CABLES1: variants seen among roughly 807,000 people sequenced by gnomAD.
CABLES1 encodes the protein CDK5 and ABL1 enzyme substrate 1.
In CABLES1, 36 loss-of-function variants were observed where a neutral mutation model predicts 57.8. The observed-to-expected ratio is 0.62, with a 90% CI of 0.48 to 0.82. The LOEUF is 0.82. CABLES1 is among the 40% of genes least tolerant of loss of function. CABLES1 has a pLI of 0.00. For missense variants in CABLES1, 767 were observed against 836.6 expected (o/e 0.92, Z 1.03); for synonymous variants, 374 against 363.0 (o/e 1.03, Z -0.35).
At position 23,218,996 on chromosome 18, in the gene CABLES1, A is replaced by G. The variant is rs151273387; in HGVS notation, c.1088+4942A>G. On this transcript the variant is annotated intron_variant, in intron 4 of 9. Coordinates refer to ENST00000256925, the MANE Select transcript of CABLES1 (RefSeq NM_001100619.3). The stretch of plus-strand genomic sequence containing the variant: ...CAACACCCACAATTATAGTAAATGT[A>G]CAGTGTTAAGTAAAAGCAGGGTGTT... 9.4e-4 allele frequency: 336 copies of G among 357,486 alleles called. 1 individual carries two copies. Among genetic ancestry groups the G allele is most frequent in the African/African-American group, 6.7e-3 (315 of 46,956 alleles). The allele number at this position is 357,486 out of a possible 1,614,324, so 22.1% of individuals were successfully genotyped here.
At chr18:23,157,977 T>C (rs1426164747) in intron 1 of CABLES1, among the ~76,000 whole-genome samples, 2 of 152,144 alleles carry the variant, frequency 1.3e-5, no homozygotes, top group East Asian at 3.8e-4. Flanking sequence ...GTTTCCTTAA[T>C]TGTAAATAAA....
intron 1 of CABLES1, among the ~76,000 whole-genome samples, chr18:23,173,584 T>C (rs552516450): frequency 6.6e-6 from 1 of 152,374 alleles, no homozygotes; most frequent in Admixed American, 6.5e-5. Flanking sequence ...TCCCAACATA[T>C]GTTTTTCTAC....
At chr18:23,176,801 T>C (rs1233900730) in intron 1 of CABLES1, among the ~76,000 whole-genome samples, 1 of 152,188 alleles carries the variant, frequency 6.6e-6, no homozygotes, top group African/African-American at 2.4e-5. Context: ...GTTTCTGAGC[T>C]GTCAAAATCC....
In CABLES1 at chr18:23,234,075, G is replaced by A. The variant is rs557464330; in HGVS notation, c.1089-533G>A. On this transcript the variant is annotated intron_variant, in intron 4 of 9. Transcript: ENST00000256925. ...GTACTAAAAATACAAAAAATTAGCC[G>A]GCCGTGGTGGTGCGCGCCTGTAATC... Among the ~76,000 whole-genome samples the A allele has an allele frequency of 5.3e-5, 8 of 152,148 alleles. No homozygotes were observed. The East Asian group carries it at 5.8e-4, about 11-fold the overall frequency.
At chr18:23,148,950 C>T (rs966189340) in intron 1 of CABLES1, among the ~76,000 whole-genome samples, 3 of 151,510 alleles carry the variant, frequency 2.0e-5, no homozygotes, top group Non-Finnish European at 4.4e-5. Context: ...AGTGCAGTGG[C>T]GTGATCTCAG....
At chr18:23,200,163 A>G (rs1343985902) in intron 3 of CABLES1, among the ~76,000 whole-genome samples, 2 of 152,196 alleles carry the variant, frequency 1.3e-5, no homozygotes, top group Non-Finnish European at 2.9e-5. Context: ...GGAAATACAG[A>G]TGATCTTTAA....
At chr18:23,144,921 CCTTTTTTTTTTTCTTT>C (rs993337179) in intron 1 of CABLES1, among the ~76,000 whole-genome samples, 6 of 151,902 alleles carry the variant, frequency 3.9e-5, no homozygotes, top group Admixed American at 1.3e-4. Flanking sequence ...TACCACACAT[CCTTTTTTTTTTTCTTT>C]CTTTTTTTTT....
intron 7 of CABLES1, among the ~76,000 whole-genome samples, chr18:23,237,975 T>G (rs1017257639): frequency 6.6e-6 from 1 of 152,094 alleles, no homozygotes; most frequent in Middle Eastern, 3.4e-3. Context: ...TGGCCAGGCC[T>G]GCCATGCACA....
At chr18:23,166,358 A>G (rs1393866188) in intron 1 of CABLES1, among the ~76,000 whole-genome samples, 2 of 152,022 alleles carry the variant, frequency 1.3e-5, no homozygotes, top group Non-Finnish European at 2.9e-5. Context: ...ACCCACCACC[A>G]TGCCTGGCTA....
intron 2 of CABLES1, among the ~76,000 whole-genome samples, chr18:23,193,619 C>T (rs564066819): frequency 6.6e-6 from 1 of 152,254 alleles, no homozygotes; most frequent in East Asian, 1.9e-4. Flanking sequence ...AGTCACAGCC[C>T]CTTTTATCTA....
At chr18:23,205,919 G>A (rs2047359757) in intron 3 of CABLES1, among the ~76,000 whole-genome samples, 1 of 152,090 alleles carries the variant, frequency 6.6e-6, no homozygotes, top group African/African-American at 2.4e-5. Context: ...TGTGAAGATT[G>A]GAGTGATGCT....
At chr18:23,192,252 C>T (rs1871792549) in intron 2 of CABLES1, among the ~76,000 whole-genome samples, 1 of 152,242 alleles carries the variant, frequency 6.6e-6, no homozygotes, top group African/African-American at 2.4e-5. Context: ...TTGTTTGCAG[C>T]AAACGTGGCT....
Position 23,191,175 on chromosome 18 carries a change from C to T in CABLES1, c.917+2266C>T, listed in dbSNP as rs150906791. Among the ~76,000 whole-genome samples the T allele has an allele frequency of 5.7e-3, 863 of 152,014 alleles. 9 individuals are homozygous for T. The highest frequency in any genetic ancestry group is 0.02 in the African/African-American group (837 of 41,460). ...CTGAGGCGACAGGATCGCTTGAACC[C>T]AGGAGTTCAAGACTTAAATGAGCTA... On this transcript the variant is annotated intron_variant, in intron 2 of 9. Transcript: ENST00000256925.
At chr18:23,190,414 G>A (rs538376191) in intron 2 of CABLES1, 6 of 152,352 alleles carry the variant, frequency 3.9e-5, no homozygotes, top group Non-Finnish European at 5.9e-5. Flanking sequence ...CGGGTGACTC[G>A]GGGTACCGGC....
chr18:23,256,014 T>C (rs1475389688), intron 9 of CABLES1, among the ~76,000 whole-genome samples: 1 of 152,238 alleles, frequency 6.6e-6, no homozygotes, highest in East Asian at 1.9e-4. Context: ...GCCCTTGGCC[T>C]TCCTTACATG....
At chr18:23,190,510 G>C (rs2047234473) in intron 2 of CABLES1, 2 of 152,212 alleles carry the variant, frequency 1.3e-5, no homozygotes. Flanking sequence ...GAGGTGTCGA[G>C]GAGAGGCTGG....
chr18:23,237,806 G>A (rs189860034), intron 7 of CABLES1, among the ~76,000 whole-genome samples: 1 of 152,356 alleles, frequency 6.6e-6, no homozygotes, highest in Admixed American at 6.5e-5. Flanking sequence ...GCTGACCACT[G>A]TTTCCCACCA....
intron 1 of CABLES1, among the ~76,000 whole-genome samples, chr18:23,162,325 T>A (rs2047011329): frequency 1.3e-5 from 2 of 152,362 alleles, no homozygotes; most frequent in African/African-American, 4.8e-5. Flanking sequence ...CTGTGTTCTC[T>A]TTAACCAAGA....
intron 1 of CABLES1, among the ~76,000 whole-genome samples, chr18:23,159,508 C>T (rs573315632): frequency 6.6e-6 from 1 of 152,322 alleles, no homozygotes; most frequent in Admixed American, 6.5e-5. Flanking sequence ...TGTTTTGTGA[C>T]ATGTTTTAAG....
Sources: allele counts gnomAD v4.1 joint callset (sites outside exome capture counted in the v4.1 genomes callset), GRCh38; gene constraint gnomAD v4.1.1; transcripts MANE v1.5; gene names NCBI Gene and HGNC (gene_info 2026-07-23, HGNC 2026-07-21).